Variants in GPAT3 observed in about 807,000 individuals in gnomAD.
The protein encoded by GPAT3 is 1-AGP acyltransferase 9.
GPAT3 carries 53 observed loss-of-function variants against 58.8 expected under a neutral mutation model. The observed-to-expected ratio is 0.90, with a 90% confidence interval of 0.72 to 1.13. The LOEUF (loss-of-function observed/expected upper bound fraction) is 1.13, where lower values mean the gene tolerates loss of function less well. GPAT3 is among the 50% of genes most tolerant of loss of function. The pLI is 0.00. For missense variants in GPAT3, 511 were observed against 527.6 expected (o/e 0.97, Z 0.31); for synonymous variants, 197 against 187.4 (o/e 1.05, Z -0.42).
chr4:83,587,040 C>A lies in GPAT3; in HGVS notation c.480-215C>A, dbSNP rs1030882060. On this transcript the variant is annotated intron_variant, in intron 3 of 11. Transcript: ENST00000264409. Reference sequence around the variant, plus strand: ...ATGGCATCATATTCTGTACTTTATTCTGAAACTTACTTTGCTTTTTGCCTC... The same window carrying A: ...ATGGCATCATATTCTGTACTTTATTATGAAACTTACTTTGCTTTTTGCCTC... 8.5e-5 allele frequency among the ~76,000 whole-genome samples: 13 copies of A among 152,300 alleles called. No individual in the cohort carries two copies. In the South Asian group the frequency reaches 1.9e-3, roughly 22 times the overall value.
At chr4:83,556,539 C>T (rs1724947483) in intron 2 of GPAT3, among the ~76,000 whole-genome samples, 1 of 150,194 alleles carries the variant, frequency 6.7e-6, no homozygotes, top group Admixed American at 6.7e-5. Context: ...AAAAAGGGAA[C>T]TCTGCCTGTT....
intron 1 of GPAT3, 89 bp from the exon 2 acceptor site, chr4:83,544,447 T>A: frequency 2.3e-6 from 3 of 1,299,716 alleles, no homozygotes; most frequent in East Asian, 4.6e-5. Context: ...GAGCTTGATG[T>A]GTAATTTCAC....
intron 2 of GPAT3, among the ~76,000 whole-genome samples, chr4:83,581,095 CAAAAAAAAAAAAAAAAAAA>C (rs35894737): frequency 1.4e-5 from 1 of 70,292 alleles, no homozygotes; most frequent in Non-Finnish European, 2.5e-5. Flanking sequence ...GACTCCGTCT[CAAAAAAAAAAAAAAAAAAA>C]AAAAAAATCA....
chr4:83,604,526 T>C, intron 11 of GPAT3, 142 bp from the exon 12 acceptor site: 1 of 564,376 alleles, frequency 1.8e-6, no homozygotes, highest in South Asian at 3.0e-5. Flanking sequence ...TGGGTCTTCC[T>C]GTTTCCAAAT....
At chr4:83,604,418 T>G (rs1727180789) in intron 11 of GPAT3, among the ~76,000 whole-genome samples, 1 of 152,044 alleles carries the variant, frequency 6.6e-6, no homozygotes. Context: ...AGAAACTGAG[T>G]TGGGGATATT....
intron 2 of GPAT3, among the ~76,000 whole-genome samples, chr4:83,549,334 G>A (rs759874506): frequency 5.3e-5 from 8 of 151,724 alleles, no homozygotes; most frequent in Non-Finnish European, 1.0e-4. Context: ...CATCTAATGG[G>A]GTTATCTTAT....
chr4:83,576,026 A>G (rs1361142173), intron 2 of GPAT3, among the ~76,000 whole-genome samples: 1 of 152,236 alleles, frequency 6.6e-6, no homozygotes, highest in Non-Finnish European at 1.5e-5. Context: ...TTACATATGT[A>G]TATATCCTTC....
chr4:83,580,464 C>T (rs1450998720), intron 2 of GPAT3, among the ~76,000 whole-genome samples: 1 of 152,096 alleles, frequency 6.6e-6, no homozygotes, highest in African/African-American at 2.4e-5. Flanking sequence ...CTACATTTGC[C>T]TACATTTCTA....
chr4:83,590,431 T>A, intron 6 of GPAT3, 139 bp downstream of exon 6: 1 of 703,054 alleles, frequency 1.4e-6, no homozygotes, highest in Non-Finnish European at 2.3e-6. Context: ...ATAAGTTATG[T>A]AATGTATTTA....
At chr4:83,537,395 T>C (rs147274808) in intron 1 of GPAT3, among the ~76,000 whole-genome samples, 118 of 152,210 alleles carry the variant, frequency 7.8e-4, no homozygotes, top group African/African-American at 2.8e-3. Context: ...TAGATGGAAG[T>C]AGGCCTGGTA....
At chr4:83,537,248 G>T (rs1166022891) in intron 1 of GPAT3, among the ~76,000 whole-genome samples, 4 of 152,196 alleles carry the variant, frequency 2.6e-5, no homozygotes, top group Non-Finnish European at 5.9e-5. Flanking sequence ...ATGGCAGAAA[G>T]AAATCTTATT....
At chr4:83,564,825 A>G (rs1378336030) in intron 2 of GPAT3, among the ~76,000 whole-genome samples, 1 of 152,146 alleles carries the variant, frequency 6.6e-6, no homozygotes. Context: ...TCATTTATAT[A>G]TAGTCTAATT....
At chr4:83,579,700 A>G (rs941859547) in intron 2 of GPAT3, among the ~76,000 whole-genome samples, 1 of 152,326 alleles carries the variant, frequency 6.6e-6, no homozygotes, top group Non-Finnish European at 1.5e-5. Context: ...TTAGCCCTGT[A>G]AGAAAACTAA....
At chr4:83,575,169 C>G (rs1725760736) in intron 2 of GPAT3, among the ~76,000 whole-genome samples, 1 of 152,102 alleles carries the variant, frequency 6.6e-6, no homozygotes, top group Non-Finnish European at 1.5e-5. Context: ...AGCCACCGCG[C>G]CCGGCCAACG....
At chr4:83,549,229 T>C (rs191776289) in intron 2 of GPAT3, among the ~76,000 whole-genome samples, 1 of 151,400 alleles carries the variant, frequency 6.6e-6, no homozygotes, top group African/African-American at 2.4e-5. Context: ...GGACAGGCCA[T>C]TTTTGATAGT....
intron 2 of GPAT3, among the ~76,000 whole-genome samples, chr4:83,560,592 T>G (rs1183622195): frequency 2.0e-5 from 3 of 152,152 alleles, no homozygotes; most frequent in Non-Finnish European, 4.4e-5. Flanking sequence ...GAAAAAGCAC[T>G]CTATGCAGAG....
chr4:83,588,408 C>A, intron 5 of GPAT3, 109 bp downstream of exon 5: 1 of 950,642 alleles, frequency 1.1e-6, no homozygotes, highest in Non-Finnish European at 1.6e-6. Context: ...CAGAGTGCTT[C>A]CAATGTGTTC....
intron 2 of GPAT3, among the ~76,000 whole-genome samples, chr4:83,557,400 T>A (rs1420045376): frequency 6.6e-6 from 1 of 152,214 alleles, no homozygotes; most frequent in Non-Finnish European, 1.5e-5. Flanking sequence ...CACTAGTTGA[T>A]GAAGTTTGAC....
chr4:83,559,315 C>T (rs1214227938), intron 2 of GPAT3, among the ~76,000 whole-genome samples: 1 of 151,866 alleles, frequency 6.6e-6, no homozygotes, highest in African/African-American at 2.4e-5. Context: ...GCAGAGAAAG[C>T]AGGAAAGATT....
Sources: allele counts gnomAD v4.1 joint callset (sites outside exome capture counted in the v4.1 genomes callset), GRCh38; gene constraint gnomAD v4.1.1; transcripts MANE v1.5; gene names NCBI Gene and HGNC (gene_info 2026-07-23, HGNC 2026-07-21).